Variants in NAT1 observed in about 807,000 individuals in gnomAD.
The protein encoded by NAT1 is N-acetyltransferase 1.
For synonymous variants in NAT1, 144 were observed against 122.6 expected, an observed-to-expected ratio of 1.17 and a Z score of -1.16; for missense variants, 400 against 339.2, an observed-to-expected ratio of 1.18 and a Z score of -1.41.
At chr8:18,198,540 A>C (rs1803329950) in intron 2 of NAT1, among the ~76,000 whole-genome samples, 1 of 152,236 alleles carries the variant, frequency 6.6e-6, no homozygotes, top group Non-Finnish European at 1.5e-5. Flanking sequence ...TGAAAAGTAA[A>C]ACTGAAATCG....
chr8:18,203,655 T>G (rs565979610), intron 2 of NAT1, among the ~76,000 whole-genome samples: 2 of 152,222 alleles, frequency 1.3e-5, no homozygotes, highest in Non-Finnish European at 2.9e-5. Context: ...TCCTCACAGC[T>G]CTGTCCTCCA....
chr8:18,202,277 T>C (rs1339204400), intron 2 of NAT1, among the ~76,000 whole-genome samples: 2 of 152,186 alleles, frequency 1.3e-5, no homozygotes, highest in African/African-American at 4.8e-5. Context: ...CTGCGAGTCA[T>C]GTCTATGGAA....
intron 2 of NAT1, among the ~76,000 whole-genome samples, chr8:18,201,538 CA>C (rs57824254): frequency 1.6e-4 from 23 of 144,156 alleles, no homozygotes; most frequent in African/African-American, 2.0e-4. Flanking sequence ...GGGCCCCTCT[CA>C]AAAAAAAAAG....
chr8:18,201,123 G>T (rs911353871), intron 2 of NAT1: 1 of 152,158 alleles, frequency 6.6e-6, no homozygotes, highest in Non-Finnish European at 1.5e-5. Context: ...ATAGAAATGA[G>T]ACATTAGATG....
At chr8:18,207,390 G>GT (rs28741078), upstream of NAT1, among the ~76,000 whole-genome samples, 16,647 of 151,448 alleles carry the variant, frequency 0.11, 2,510 homozygotes, top group African/African-American at 0.35. Context: ...TTTTAAAATA[G>GT]TTTTTTTTTC....
intron 2 of NAT1, among the ~76,000 whole-genome samples, chr8:18,188,475 T>A (rs898556355): frequency 6.6e-6 from 1 of 152,192 alleles, no homozygotes; most frequent in Non-Finnish European, 1.5e-5. Flanking sequence ...GTCTTAGTTA[T>A]AACTTTATTA....
rs71217305 is a variant in NAT1, at chr8:18,193,455, TAA to T, written n.93-16316_93-16315del. On this transcript the variant is annotated intron_variant and non_coding_transcript_variant, in intron 2 of 4. Transcript: ENST00000517441. ...CTGGGTGAGAGAGTGAGACTCTGTC[TAA>T]AAAAAAAAATTTATATATATATGTA... 1.0e-3 allele frequency among the ~76,000 whole-genome samples: 143 copies of T among 137,956 alleles called. 1 individual carries two copies. The East Asian group carries it at 0.028, about 27-fold the overall frequency. The allele number at this position is 137,956 out of a possible 152,430, so 90.5% of individuals were successfully genotyped here. A position where few individuals can be genotyped will look rare whatever the true frequency, so the allele number is the denominator to read the frequency against.
At position 18,222,936 on chromosome 8, in the gene NAT1, A is replaced by T; in HGVS notation, c.*16A>T. ...TACTATTTAGAATAAGGAGTAAAAC[A>T]ATCTTGTCTATTTGTCATCCAGCTC... On this transcript the variant is annotated 3_prime_UTR_variant, in exon 3 of 3. Transcript: ENST00000307719. 1 of 1,520,516 alleles carries T rather than the reference A, an allele frequency of 6.6e-7. No homozygotes were observed. Among genetic ancestry groups the T allele is most frequent in the Non-Finnish European group, 8.8e-7 (1 of 1,139,848 alleles). 94.2% of individuals were successfully genotyped at this position (1,520,516 alleles called of 1,614,324 possible).
intron 2 of NAT1, among the ~76,000 whole-genome samples, chr8:18,176,867 C>T (rs1053061829): frequency 6.6e-6 from 1 of 151,792 alleles, no homozygotes; most frequent in Non-Finnish European, 1.5e-5. Context: ...AATATCTTTC[C>T]ATTTATTGTG....
At chr8:18,208,944 G>A (rs191531367), upstream of NAT1, among the ~76,000 whole-genome samples, 2 of 152,216 alleles carry the variant, frequency 1.3e-5, no homozygotes, top group African/African-American at 4.8e-5. Flanking sequence ...TTTGGAAGAT[G>A]ATTTAAGGAC....
At chr8:18,176,590 G>GTGTT (rs1554466816) in intron 2 of NAT1, among the ~76,000 whole-genome samples, 2 of 116,244 alleles carry the variant, frequency 1.7e-5, no homozygotes, top group Non-Finnish European at 3.6e-5. Flanking sequence ...GTGCCATGCT[G>GTGTT]TTTTTTTGTT....
At chr8:18,179,110 G>C (rs1165034145) in intron 2 of NAT1, among the ~76,000 whole-genome samples, 1 of 152,002 alleles carries the variant, frequency 6.6e-6, no homozygotes, top group Non-Finnish European at 1.5e-5. Context: ...TGGCCAATTT[G>C]TTCTTACATC....
chr8:18,194,306 G>A (rs1338618379), intron 2 of NAT1, among the ~76,000 whole-genome samples: 1 of 152,192 alleles, frequency 6.6e-6, no homozygotes, highest in Non-Finnish European at 1.5e-5. Flanking sequence ...GGGAGAGGGT[G>A]AGGTGGCATA....
chr8:18,193,308 T>A (rs1397681504), intron 2 of NAT1, among the ~76,000 whole-genome samples: 2 of 150,268 alleles, frequency 1.3e-5, no homozygotes, highest in Non-Finnish European at 3.0e-5. Context: ...CTCCAACTCC[T>A]GGGCTCAAGT....
chr8:18,218,244 C>T (rs141494718), intron 1 of NAT1, among the ~76,000 whole-genome samples: 106 of 152,122 alleles, frequency 7.0e-4, no homozygotes, highest in Middle Eastern at 3.4e-3. Flanking sequence ...TTTTGTAATT[C>T]GGTATTCTTG....
intron 2 of NAT1, among the ~76,000 whole-genome samples, chr8:18,193,974 C>T (rs189635432): frequency 1.1e-4 from 17 of 152,204 alleles, no homozygotes; most frequent in Admixed American, 5.2e-4. Flanking sequence ...AAAATATACA[C>T]GGTTGCATGC....
At chr8:18,195,237 C>T (rs572820983) in intron 2 of NAT1, among the ~76,000 whole-genome samples, 1 of 152,284 alleles carries the variant, frequency 6.6e-6, no homozygotes, top group East Asian at 1.9e-4. Flanking sequence ...CGCAGATCAC[C>T]ACGCTAGTCC....
chr8:18,203,297 T>C (rs1197490275), intron 2 of NAT1, among the ~76,000 whole-genome samples: 3 of 152,208 alleles, frequency 2.0e-5, no homozygotes, highest in Non-Finnish European at 2.9e-5. Context: ...GCCTTTTATG[T>C]CATGTGTCTT....
chr8:18,215,542 C>A (rs930873938), intron 1 of NAT1, among the ~76,000 whole-genome samples: 1 of 152,024 alleles, frequency 6.6e-6, no homozygotes, highest in Admixed American at 6.6e-5. Context: ...TTTCATAAAA[C>A]TATTATTTTA....
Sources: allele counts gnomAD v4.1 joint callset (sites outside exome capture counted in the v4.1 genomes callset), GRCh38; gene constraint gnomAD v4.1.1; transcripts MANE v1.5; gene names NCBI Gene and HGNC (gene_info 2026-07-23, HGNC 2026-07-21).